The following RASGEF1C variants were observed in gnomAD, a reference collection of about 807,000 sequenced individuals.
RASGEF1C encodes the protein RasGEF domain family member 1C.
Under a neutral mutation model 58.1 loss-of-function variants are expected in RASGEF1C, and 27 were observed. That is an observed-to-expected ratio of 0.46 (90% confidence interval 0.34 to 0.64). The LOEUF (loss-of-function observed/expected upper bound fraction) is 0.64. RASGEF1C is among the 30% of genes least tolerant of loss of function. RASGEF1C has a pLI of 0.01. For missense variants in RASGEF1C, 502 were observed against 605.1 expected, an observed-to-expected ratio of 0.83 and a Z score of 1.79; for synonymous variants, 243 against 246.3, an observed-to-expected ratio of 0.99 and a Z score of 0.13.
At chr5:180,103,170 C>T (rs906974636) in intron 12 of RASGEF1C, among the ~76,000 whole-genome samples, 14 of 152,144 alleles carry the variant, frequency 9.2e-5, no homozygotes, top group South Asian at 2.1e-4. Flanking sequence ...CTCTGCCTCC[C>T]GGGTTCACAC....
rs554819221 is a variant in RASGEF1C at position 180,191,706 on chromosome 5, T to C, written c.-7+17322A>G. Among the ~76,000 whole-genome samples, 10 of 152,272 alleles carry C rather than the reference T, an allele frequency of 6.6e-5. No homozygotes were observed. In the East Asian group the frequency reaches 1.9e-3, roughly 29 times the overall value. On this transcript the variant is annotated intron_variant, in intron 1 of 13. Transcript: ENST00000361132. ...AAAGAGTGAACCACCCAAACGTCCA[T>C]CAGCAGATGCACTGGATCTGTGGAT...
chr5:180,108,403 G>A (rs769871815), intron 12 of RASGEF1C, among the ~76,000 whole-genome samples: 27 of 151,698 alleles, frequency 1.8e-4, no homozygotes, highest in Admixed American at 3.3e-4. Context: ...GGGTTTCACC[G>A]TGTTAGCCAG....
At chr5:180,113,216 TGGACGGAGGGACAGG>T (rs1765994610) in intron 11 of RASGEF1C, among the ~76,000 whole-genome samples, 1 of 82,910 alleles carries the variant, frequency 1.2e-5, no homozygotes, top group Admixed American at 1.2e-4. Context: ...GGACCGGGGA[TGGACGGAGGGACAGG>T]GGATGGACGG....
At position 180,101,188 on chromosome 5, in the gene RASGEF1C, T is replaced by A. The variant is rs1765776057; in HGVS notation, c.*313A>T. 2.4e-6 allele frequency: 1 copy of A among 423,218 alleles called. No homozygotes were observed. Among genetic ancestry groups the A allele is most frequent in the Non-Finnish European group, 4.3e-6 (1 of 233,856 alleles). 26.2% of individuals were successfully genotyped at this position (423,218 alleles called of 1,614,324 possible). ...TCGAGCTTGCAGTGGTCCCACCCTC[T>A]GGGGCAGTGTTGTGTCCTTGCCGAG... is the stretch of plus-strand genomic sequence containing the variant. On this transcript the variant is annotated 3_prime_UTR_variant, in exon 14 of 14. Coordinates refer to ENST00000361132, the MANE Select transcript of RASGEF1C (RefSeq NM_175062.4).
rs1375713181 is a variant in RASGEF1C at position 180,101,360 on chromosome 5, G to C, written c.*141C>G. 19 of 943,462 alleles carry C rather than the reference G, an allele frequency of 2.0e-5. No homozygotes were observed. Among genetic ancestry groups the C allele is most frequent in the Non-Finnish European group, 2.4e-5 (15 of 627,882 alleles). 58.4% of individuals were successfully genotyped at this position (943,462 alleles called of 1,614,324 possible). A position where few individuals can be genotyped will look rare whatever the true frequency, so the allele number is the denominator to read the frequency against. ...GCCCGTATGGCCACTGTGGGGGGGG[G>C]GGGGGCGGGCAGCAGGCCACAGGGT... On this transcript the variant is annotated 3_prime_UTR_variant, in exon 14 of 14. Coordinates refer to ENST00000361132, the MANE Select transcript of RASGEF1C (RefSeq NM_175062.4).
intron 1 of RASGEF1C, among the ~76,000 whole-genome samples, chr5:180,172,068 T>C (rs967741444): frequency 6.6e-6 from 1 of 152,200 alleles, no homozygotes; most frequent in South Asian, 2.1e-4. Context: ...GGAATAAAAA[T>C]AGTGTTTAAA....
intron 1 of RASGEF1C, among the ~76,000 whole-genome samples, chr5:180,183,454 GA>G (rs1247966910): frequency 1.4e-5 from 2 of 143,686 alleles, no homozygotes; most frequent in Non-Finnish European, 3.0e-5. Context: ...ACATAAGCTA[GA>G]ATCATAAAAA....
At chr5:180,106,346 C>T (rs1765874280) in intron 12 of RASGEF1C, among the ~76,000 whole-genome samples, 2 of 152,142 alleles carry the variant, frequency 1.3e-5, no homozygotes, top group African/African-American at 4.8e-5. Flanking sequence ...TTTTGCTCCT[C>T]TTTTTCTAGA....
Position 180,136,481 on chromosome 5 carries a change from T to C in RASGEF1C, c.335A>G (p.Gln112Arg), listed in dbSNP as rs1433328493. Reference protein sequence around the residue: ...RVRKFGPKLLQLLAEWTETFP... With the variant: ...RVRKFGPKLLRLLAEWTETFP... ...GGTCTCGGTCCACTCGGCCAACAGC[T>C]GCAGCAGTTTGGGGCCGAACTTCCG... is the stretch of plus-strand genomic sequence containing the variant. Residue 112 changes from glutamine to arginine, a missense_variant, in exon 4 of 14, where the codon CAG (glutamine) becomes CGG (arginine). Physicochemically the swap from Gln to Arg is conservative, Grantham distance 43. Transcript: ENST00000361132. 2.5e-5 allele frequency: 40 copies of C among 1,568,762 alleles called. No individual in the cohort carries two copies. Among genetic ancestry groups the C allele is most frequent in the Non-Finnish European group, 3.5e-5 (40 of 1,156,370 alleles).
intron 1 of RASGEF1C, among the ~76,000 whole-genome samples, chr5:180,183,873 C>A: frequency 6.6e-6 from 1 of 151,172 alleles, no homozygotes; most frequent in East Asian, 2.0e-4. Flanking sequence ...GATTTCAGAT[C>A]AAATAAATAA....
intron 1 of RASGEF1C, among the ~76,000 whole-genome samples, chr5:180,205,178 G>A (rs971212105): frequency 9.2e-5 from 14 of 151,904 alleles, no homozygotes; most frequent in Non-Finnish European, 2.1e-4. Flanking sequence ...GACAGAGCGA[G>A]ACTCCGTCTC....
intron 11 of RASGEF1C, among the ~76,000 whole-genome samples, chr5:180,113,794 AG>A (rs1261701151): frequency 4.4e-4 from 67 of 151,296 alleles, no homozygotes; most frequent in East Asian, 1.8e-3. Flanking sequence ...GGATGGATGG[AG>A]GGACCGAGGA....
intron 1 of RASGEF1C, among the ~76,000 whole-genome samples, chr5:180,183,047 G>A (rs1426053792): frequency 6.6e-6 from 1 of 152,202 alleles, no homozygotes. Context: ...GTAATCAGTT[G>A]ACTTTGAGAT....
At chr5:180,169,755 T>C (rs116172525) in intron 1 of RASGEF1C, among the ~76,000 whole-genome samples, 6,606 of 151,968 alleles carry the variant, frequency 0.043, 232 homozygotes, top group South Asian at 0.097. Flanking sequence ...CTGGCCCTTC[T>C]CGTAGCCCCA....
intron 6 of RASGEF1C, among the ~76,000 whole-genome samples, chr5:180,121,637 TCACACACACACACA>T (rs762495633): frequency 6.2e-5 from 7 of 113,260 alleles, no homozygotes; most frequent in African/African-American, 1.0e-4. Flanking sequence ...AAATGTAACT[TCACACACACACACA>T]CACACACACA....
At chr5:180,113,396 G>T (rs1766002678) in intron 11 of RASGEF1C, among the ~76,000 whole-genome samples, 2 of 58,498 alleles carry the variant, frequency 3.4e-5, no homozygotes, top group African/African-American at 6.8e-5. Context: ...ATGGACGGAG[G>T]GACCGGGGAT....
intron 6 of RASGEF1C, among the ~76,000 whole-genome samples, chr5:180,124,825 AAAC>A (rs1367061180): frequency 1.3e-5 from 2 of 151,868 alleles, no homozygotes; most frequent in African/African-American, 4.8e-5. Context: ...ACTCCGTCTC[AAAC>A]AACAACAGCA....
chr5:180,184,818 T>C (rs958771128), intron 1 of RASGEF1C, among the ~76,000 whole-genome samples: 1 of 152,212 alleles, frequency 6.6e-6, no homozygotes, highest in African/African-American at 2.4e-5. Context: ...GGCCATTCCA[T>C]AATGACAAAG....
At chr5:180,111,710 G>A (rs571897561) in intron 11 of RASGEF1C, 130 bp from the exon 12 acceptor site, 2 of 960,852 alleles carry the variant, frequency 2.1e-6, no homozygotes, top group Admixed American at 2.1e-5. Context: ...AGGAGCAGGG[G>A]GCGATAAATG....
Sources: gnomAD v4.1 joint callset for allele counts (sites outside exome capture counted in the v4.1 genomes callset) on GRCh38, gnomAD v4.1.1 for gene constraint, MANE v1.5 for transcripts, NCBI Gene and HGNC (gene_info 2026-07-23, HGNC 2026-07-21) for gene names.